TMEM74B: variants seen among roughly 807,000 people sequenced by gnomAD.
The protein encoded by TMEM74B is transmembrane protein 74B.
Under a neutral mutation model 6.5 loss-of-function variants are expected in TMEM74B, and 7 were observed. That is an observed-to-expected ratio of 1.07 (90% CI 0.61 to 2.01). The LOEUF is 2.01. Among genes scored for constraint, TMEM74B ranks in the 30% most tolerant of loss-of-function variants. The probability of loss-of-function intolerance (pLI) is 0.00; values close to 1 mark genes in which losing one functional copy is unlikely to be tolerated. For missense variants in TMEM74B, 342 were observed against 337.0 expected (o/e 1.01, Z -0.12); for synonymous variants, 151 against 151.6 (o/e 1.00, Z 0.03).
At chr20:1,188,372 G>A (rs2087043770), upstream of TMEM74B, among the ~76,000 whole-genome samples, 2 of 150,826 alleles carry the variant, frequency 1.3e-5, no homozygotes, top group Admixed American at 1.3e-4. Context: ...TACAAGATGA[G>A]CCCAGAGCAT....
Position 1,181,904 on chromosome 20 carries a change from C to A in TMEM74B, c.32-317G>T, listed in dbSNP as rs546054148. Reference sequence around the variant, plus strand: ...TGGAGTAGGATTGAGATAACCTATACGAAGTACTCAGAACACTAAGTGCTC... The same window carrying A: ...TGGAGTAGGATTGAGATAACCTATAAGAAGTACTCAGAACACTAAGTGCTC... On this transcript the variant is annotated intron_variant, in intron 2 of 2. Transcript: ENST00000429036. The surrounding 1 kb of genome is among the most constrained non-coding windows in gnomAD (Gnocchi z 4.9). 6.6e-6 allele frequency among the ~76,000 whole-genome samples: 1 copy of A among 152,100 alleles called. No homozygotes were observed. Among genetic ancestry groups the A allele is most frequent in the African/African-American group, 2.4e-5 (1 of 41,412 alleles).
At chr20:1,188,437 C>CA (rs1239151484), upstream of TMEM74B, among the ~76,000 whole-genome samples, 1 of 149,072 alleles carries the variant, frequency 6.7e-6, no homozygotes, top group African/African-American at 2.5e-5. Context: ...CCACACACCA[C>CA]ACACACATGC....
At chr20:1,183,715 G>A in intron 2 of TMEM74B, 56 bp downstream of exon 2, 1 of 1,598,554 alleles carries the variant, frequency 6.3e-7, no homozygotes, top group Non-Finnish European at 8.6e-7. Context: ...ATGTATGGGA[G>A]GGTGGAGGAC....
Position 1,183,786 on chromosome 20 carries a change from C to T in TMEM74B, c.16G>A (p.Gly6Arg). 1 of 1,614,006 alleles carries T rather than the reference C, an allele frequency of 6.2e-7. No homozygotes were observed. Among genetic ancestry groups the T allele is most frequent in the South Asian group, 1.1e-5 (1 of 91,048 alleles). Residue 6 changes from glycine to arginine, a missense_variant, in exon 2 of 3, where the codon GGG becomes AGG. By Grantham distance (125) the Gly-to-Arg change is moderately radical (BLOSUM62 -2). Coordinates refer to ENST00000429036, the MANE Select transcript of TMEM74B (RefSeq NM_001304748.2). MPPAQ[G>R]YEFAAAKGPR... Reference sequence around the variant, plus strand: ...ATGTACAAACCTGCAAACTCATACCCCTGTGCTGGTGGCATCACTCCACCA... The same window carrying T: ...ATGTACAAACCTGCAAACTCATACCTCTGTGCTGGTGGCATCACTCCACCA...
At chr20:1,183,978 T>C (rs781136223) in intron 1 of TMEM74B, 30 bp from the exon 2 acceptor site, 1 of 642,210 alleles carries the variant, frequency 1.6e-6, no homozygotes, top group Non-Finnish European at 2.6e-6. Context: ...AAAAAAGAGA[T>C]GTGTTTGTTG....
At position 1,184,857 on chromosome 20, in the gene TMEM74B, G is replaced by A. The variant is rs2086977087; in HGVS notation, c.-703C>T. The stretch of plus-strand genomic sequence containing the variant: ...CGCAGATACGCACACGCAGGTCCAC[G>A]CTGTTGTACCCAAAGTTGCGCGCAG... On this transcript the variant is annotated 5_prime_UTR_variant, in exon 1 of 3. Coordinates refer to ENST00000429036, the MANE Select transcript of TMEM74B (RefSeq NM_001304748.2). The surrounding 1 kb of genome is among the most constrained non-coding windows in gnomAD (Gnocchi z 6.0). 6.6e-6 allele frequency among the ~76,000 whole-genome samples: 1 copy of A among 152,230 alleles called. No homozygotes were observed. The highest frequency in any genetic ancestry group is 1.5e-5 in the Non-Finnish European group (1 of 68,032).
rs142394583 is a variant in TMEM74B, at chr20:1,183,290, C to CTGTGTG, written c.31+475_31+480dup. On this transcript the variant is annotated intron_variant, in intron 2 of 2. Coordinates refer to ENST00000429036, the MANE Select transcript of TMEM74B (RefSeq NM_001304748.2). ...TCTCCAGTGCACTGTGGTTCGTTCT[C>CTGTGTG]TGTGTGTGTGTGTGTGTGTGTGTGT... 6.2e-3 allele frequency among the ~76,000 whole-genome samples: 919 copies of CTGTGTG among 149,302 alleles called. 12 individuals are homozygous for CTGTGTG. The highest frequency in any genetic ancestry group is 0.021 in the African/African-American group (828 of 40,330).
upstream of TMEM74B, among the ~76,000 whole-genome samples, chr20:1,187,353 C>G (rs1354037943): frequency 6.6e-6 from 1 of 152,110 alleles, no homozygotes; most frequent in African/African-American, 2.4e-5. Context: ...TCCCCAGACA[C>G]TAGAAAAGGG....
upstream of TMEM74B, among the ~76,000 whole-genome samples, chr20:1,186,652 C>T (rs1465619981): frequency 2.0e-5 from 3 of 152,138 alleles, no homozygotes; most frequent in African/African-American, 4.8e-5. Flanking sequence ...ACCTCATGAG[C>T]GGAGCCTGAC....
chr20:1,181,382 C>T lies in TMEM74B; in HGVS notation c.237G>A (p.Thr79=), dbSNP rs540918602. ...HETHFQNPGN[T]RLGSSPSPPG... is the part of the protein sequence containing the mutation. ...GGGGACTGGGTGAGCTGCCCAGTCT[C>T]GTGTTCCCAGGGTTCTGGAAATGGG... Residue 79 remains threonine (T), a synonymous_variant, in exon 3 of 3, where the codon ACG becomes ACA. Transcript: ENST00000429036. This position sits in a 1 kb window ranked among gnomAD's most constrained non-coding sequence, Gnocchi z 4.9. 46 of 1,541,628 alleles carry T rather than the reference C, an allele frequency of 3.0e-5. 1 individual carries two copies. Among genetic ancestry groups the T allele is most frequent in the Middle Eastern group, 3.5e-4 (2 of 5,670 alleles).
Position 1,181,680 on chromosome 20 carries a change from A to G in TMEM74B, c.32-93T>C. 1 of 1,347,436 alleles carries G rather than the reference A, an allele frequency of 7.4e-7. No individual in the cohort carries two copies. The highest frequency in any genetic ancestry group is 9.6e-7 in the Non-Finnish European group (1 of 1,044,582). 83.5% of individuals were successfully genotyped at this position (1,347,436 alleles called of 1,614,324 possible). Reference sequence around the variant, plus strand: ...GTCCCTAAGCACATGAAGGTGAGTCAGGCACAATTCCCACTTGGGGGTGTC... The same window carrying G: ...GTCCCTAAGCACATGAAGGTGAGTCGGGCACAATTCCCACTTGGGGGTGTC... On this transcript the variant is annotated intron_variant, in intron 2 of 2. Transcript: ENST00000429036. This position sits in a 1 kb window ranked among gnomAD's most constrained non-coding sequence, Gnocchi z 4.9.
upstream of TMEM74B, chr20:1,189,044 C>T (rs1202172061): frequency 6.6e-6 from 1 of 152,154 alleles, no homozygotes; most frequent in Admixed American, 6.5e-5. The surrounding 1 kb of genome is among the most constrained non-coding windows in gnomAD (Gnocchi z 4.5). Flanking sequence ...AACTGACAAA[C>T]GTGATGACCT....
rs2086967027 is a variant in TMEM74B, at chr20:1,184,620, G to GTACACA, written c.-472_-467dup. 1 of 104,964 alleles carries GTACACA rather than the reference G, an allele frequency of 9.5e-6. No individual in the cohort carries two copies. Among genetic ancestry groups the GTACACA allele is most frequent in the African/African-American group, 4.6e-5 (1 of 21,892 alleles). The allele number at this position is 104,964 out of a possible 1,614,324, so 6.5% of individuals were successfully genotyped here. The stretch of plus-strand genomic sequence containing the variant: ...AGTACCCCGTCACACGCACACGCGC[G>GTACACA]TACACACACACACACACACACACAC... On this transcript the variant is annotated 5_prime_UTR_variant, in exon 1 of 3. The change creates a new upstream start codon in the 5' untranslated region. Transcript: ENST00000429036. The surrounding 1 kb of genome is among the most constrained non-coding windows in gnomAD (Gnocchi z 6.0).
rs1365050236 is a variant in TMEM74B at position 1,184,315 on chromosome 20, A to G, written c.-161T>C. ...GATTCCTCTCACCCAGAGTTAGGAC[A>G]TCTCTCTGTTTCATGCCCAGGTTCA... On this transcript the variant is annotated 5_prime_UTR_variant, in exon 1 of 3. An upstream start codon of the reference 5' UTR is lost. Transcript: ENST00000429036. This position sits in a 1 kb window ranked among gnomAD's most constrained non-coding sequence, Gnocchi z 6.0. 6 of 153,066 alleles carry G rather than the reference A, an allele frequency of 3.9e-5. No homozygotes were observed. The Admixed American group carries it at 3.9e-4, about 10-fold the overall frequency. The allele number at this position is 153,066 out of a possible 1,614,324, so 9.5% of individuals were successfully genotyped here. A position where few individuals can be genotyped will look rare whatever the true frequency, so the allele number is the denominator to read the frequency against.
Position 1,180,652 on chromosome 20 carries a change from G to T in TMEM74B, c.*196C>A. On this transcript the variant is annotated 3_prime_UTR_variant, in exon 3 of 3. Coordinates refer to ENST00000429036, the MANE Select transcript of TMEM74B (RefSeq NM_001304748.2). The surrounding 1 kb of genome is among the most constrained non-coding windows in gnomAD (Gnocchi z 6.1). ...TATGCAAAACCTCAGCTACAAAACA[G>T]ATCAGTGGGCTGCTTGCCCGTGTGG... 1.6e-6 allele frequency: 1 copy of T among 611,380 alleles called. No individual in the cohort carries two copies. The highest frequency in any genetic ancestry group is 2.5e-6 in the Non-Finnish European group (1 of 400,736). The allele number at this position is 611,380 out of a possible 1,614,324, so 37.9% of individuals were successfully genotyped here.
Position 1,183,783 on chromosome 20 carries a change from A to C in TMEM74B, c.19T>G (p.Tyr7Asp). The C allele has an allele frequency of 6.2e-7, 1 of 1,613,732 alleles. No homozygotes were observed. MPPAQG[Y>D]EFAAAKGPRD... Reference sequence around the variant, plus strand: ...ATCATGTACAAACCTGCAAACTCATACCCCTGTGCTGGTGGCATCACTCCA... The same window carrying C: ...ATCATGTACAAACCTGCAAACTCATCCCCCTGTGCTGGTGGCATCACTCCA... Residue 7 changes from tyrosine (Y) to aspartate (D), a missense_variant, in exon 2 of 3, where the codon TAT (tyrosine) becomes GAT (aspartate). Coordinates refer to ENST00000429036, the MANE Select transcript of TMEM74B (RefSeq NM_001304748.2).
At position 1,181,663 on chromosome 20, in the gene TMEM74B, G is replaced by T; in HGVS notation, c.32-76C>A. 7.2e-7 allele frequency: 1 copy of T among 1,386,656 alleles called. No individual in the cohort carries two copies. Among genetic ancestry groups the T allele is most frequent in the Non-Finnish European group, 9.3e-7 (1 of 1,073,470 alleles). 85.9% of individuals were successfully genotyped at this position (1,386,656 alleles called of 1,614,324 possible). ...TGGAGGACATCATACCAGTCCCTAA[G>T]CACATGAAGGTGAGTCAGGCACAAT... On this transcript the variant is annotated intron_variant, in intron 2 of 2. Transcript: ENST00000429036. This position sits in a 1 kb window ranked among gnomAD's most constrained non-coding sequence, Gnocchi z 4.9.
In TMEM74B at chr20:1,180,883, C is replaced by T. The variant is rs2086841661; in HGVS notation, c.736G>A (p.Val246Ile). 2 of 1,607,788 alleles carry T rather than the reference C, an allele frequency of 1.2e-6. No individual in the cohort carries two copies. Among genetic ancestry groups the T allele is most frequent in the Non-Finnish European group, 1.7e-6 (2 of 1,176,290 alleles). The stretch of plus-strand genomic sequence containing the variant: ...TGGAGGGTGTGGCTAGTCTCTGAGA[C>T]CTGGACAACTTCATTCTCCACCAGG... ...QALVENEVVQ[V>I]SETSHTLQRS The change falls in exon 3 of 3, where the codon GTC becomes ATC. Residue 246 changes from valine (V) to isoleucine (I), a missense_variant. Coordinates refer to ENST00000429036, the MANE Select transcript of TMEM74B (RefSeq NM_001304748.2). This position sits in a 1 kb window ranked among gnomAD's most constrained non-coding sequence, Gnocchi z 6.1.
intron 2 of TMEM74B, among the ~76,000 whole-genome samples, chr20:1,182,753 G>A (rs1228390121): frequency 6.6e-6 from 1 of 152,170 alleles, no homozygotes; most frequent in Non-Finnish European, 1.5e-5. Context: ...CAGCACATGT[G>A]CATTCCCGCT....
Sources: gnomAD v4.1 joint callset for allele counts (sites outside exome capture counted in the v4.1 genomes callset) on GRCh38, gnomAD v4.1.1 for gene constraint, Gnocchi (gnomAD v3.1) non-coding constraint, MANE v1.5 for transcripts, NCBI Gene and HGNC (gene_info 2026-07-23, HGNC 2026-07-21) for gene names.